Variants in ACADL observed in about 807,000 individuals in gnomAD.
The protein encoded by ACADL is long-chain specific acyl-CoA dehydrogenase, mitochondrial.
A neutral mutation model predicts 56.9 loss-of-function variants in ACADL; 60 were observed. That is an observed-to-expected ratio of 1.05 (90% CI 0.86 to 1.31). ACADL has a LOEUF of 1.31. Ranked by LOEUF, ACADL falls within the 50% of genes most tolerant of loss-of-function variation. The pLI, the probability that ACADL is intolerant of heterozygous loss-of-function variation, is 0.00. For synonymous variants in ACADL, 158 were observed against 179.7 expected (o/e 0.88, Z 0.97); for missense variants, 484 against 525.5 (o/e 0.92, Z 0.77).
At chr2:210,202,076 T>G (rs1688802197) in intron 8 of ACADL, among the ~76,000 whole-genome samples, 1 of 152,090 alleles carries the variant, frequency 6.6e-6, no homozygotes, top group African/African-American at 2.4e-5. Context: ...ACTTTCTCTA[T>G]TGTTATTTAT....
intron 1 of ACADL, among the ~76,000 whole-genome samples, chr2:210,222,969 G>C (rs1689202527): frequency 6.6e-6 from 1 of 152,158 alleles, no homozygotes; most frequent in Non-Finnish European, 1.5e-5. Context: ...AATATGCTGA[G>C]ATTAGGAAAC....
At chr2:210,192,349 T>G (rs1688647430) in intron 10 of ACADL, among the ~76,000 whole-genome samples, 1 of 151,894 alleles carries the variant, frequency 6.6e-6, no homozygotes, top group Admixed American at 6.6e-5. Flanking sequence ...ATTAGCCAGG[T>G]GTCATGGCAC....
At position 210,195,203 on chromosome 2, in the gene ACADL, A is replaced by T; in HGVS notation, c.1112+8T>A. 1.2e-6 allele frequency: 2 copies of T among 1,613,834 alleles called. No individual in the cohort carries two copies. Among genetic ancestry groups the T allele is most frequent in the Non-Finnish European group, 1.7e-6 (2 of 1,179,836 alleles). On this transcript the variant is annotated splice_region_variant and intron_variant, in intron 9 of 10. Transcript: ENST00000233710. ...CACACCGCACTCTAATTACTGTAGC[A>T]TGCATACCAATATTTCGCCATGCAA...
intron 4 of ACADL, among the ~76,000 whole-genome samples, chr2:210,212,724 T>G (rs889487187): frequency 1.3e-5 from 2 of 152,250 alleles, no homozygotes; most frequent in Non-Finnish European, 1.5e-5. Context: ...TCAAGTTTTT[T>G]GAGAACATGT....
At chr2:210,208,098 G>A (rs1688918823) in intron 5 of ACADL, among the ~76,000 whole-genome samples, 1 of 152,204 alleles carries the variant, frequency 6.6e-6, no homozygotes, top group Non-Finnish European at 1.5e-5. Context: ...AGCTGCCACA[G>A]TTGAAATGCT....
At chr2:210,208,709 T>C (rs1688931237) in intron 5 of ACADL, among the ~76,000 whole-genome samples, 1 of 152,190 alleles carries the variant, frequency 6.6e-6, no homozygotes, top group Non-Finnish European at 1.5e-5. Flanking sequence ...ATAGTAAAAA[T>C]GTTCCTATAC....
At chr2:210,197,548 T>G (rs927664845) in intron 8 of ACADL, among the ~76,000 whole-genome samples, 1 of 152,182 alleles carries the variant, frequency 6.6e-6, no homozygotes, top group Non-Finnish European at 1.5e-5. Flanking sequence ...CAGATGAGTA[T>G]TCCATGAAAA....
At chr2:210,195,078 A>T (rs1232369447) in intron 9 of ACADL, 133 bp downstream of exon 9, 40 of 1,123,298 alleles carry the variant, frequency 3.6e-5, no homozygotes, top group South Asian at 8.3e-5. Context: ...ATTTTTTTTT[A>T]AAGTGGAGTC....
At chr2:210,192,987 A>G in intron 9 of ACADL, 97 bp from the exon 10 acceptor site, 5 of 906,578 alleles carry the variant, frequency 5.5e-6, no homozygotes, top group Non-Finnish European at 7.1e-6. Context: ...AATTGTTTAA[A>G]TGTGCACATT....
chr2:210,211,866 T>C (rs552945529), intron 4 of ACADL, among the ~76,000 whole-genome samples: 1 of 152,096 alleles, frequency 6.6e-6, no homozygotes, highest in South Asian at 2.1e-4. Flanking sequence ...GTTTTTCTCT[T>C]GTTGCCCAGG....
Position 210,188,642 on chromosome 2 carries a change from C to T in ACADL, c.*319G>A. On this transcript the variant is annotated 3_prime_UTR_variant, in exon 11 of 11. Transcript: ENST00000233710. ...TATAGCGACATAAAATTATTTCTGC[C>T]TTGGTTTGAAGATTTGAATGATTTA... is the stretch of plus-strand genomic sequence containing the variant. The T allele has an allele frequency of 4.2e-6, 1 of 239,830 alleles. No homozygotes were observed. The highest frequency in any genetic ancestry group is 5.8e-5 in the South Asian group (1 of 17,152). 14.9% of individuals were successfully genotyped at this position (239,830 alleles called of 1,614,324 possible). A position where few individuals can be genotyped will look rare whatever the true frequency, so the allele number is the denominator to read the frequency against.
intron 9 of ACADL, among the ~76,000 whole-genome samples, chr2:210,193,285 AT>A (rs556492858): frequency 6.6e-6 from 1 of 152,080 alleles, no homozygotes; most frequent in Non-Finnish European, 1.5e-5. Context: ...TGTAATATGC[AT>A]TTTTTCTCCA....
intron 4 of ACADL, among the ~76,000 whole-genome samples, 175 bp from the exon 5 acceptor site, chr2:210,210,437 C>A (rs1240142345): frequency 1.3e-5 from 2 of 152,132 alleles, no homozygotes; most frequent in Non-Finnish European, 2.9e-5. Flanking sequence ...CTATTATATT[C>A]TAAAGCACTT....
chr2:210,198,882 C>A (rs969945492), intron 8 of ACADL, among the ~76,000 whole-genome samples: 2 of 151,914 alleles, frequency 1.3e-5, no homozygotes, highest in Non-Finnish European at 2.9e-5. Context: ...ACCATAAGAT[C>A]GACATAAACT....
intron 5 of ACADL, 37 bp downstream of exon 5, chr2:210,210,159 C>T (rs1271946947): frequency 6.7e-7 from 1 of 1,483,732 alleles, no homozygotes; most frequent in Non-Finnish European, 9.4e-7. Context: ...TGGCATGACT[C>T]TGAAAAGAAG....
Position 210,188,906 on chromosome 2 carries a change from G to C in ACADL, c.*55C>G. 1 of 1,250,008 alleles carries C rather than the reference G, an allele frequency of 8.0e-7. No homozygotes were observed. Among genetic ancestry groups the C allele is most frequent in the Non-Finnish European group, 1.2e-6 (1 of 848,460 alleles). The allele number at this position is 1,250,008 out of a possible 1,614,324, so 77.4% of individuals were successfully genotyped here. ...CGCTTTCCAAGTTACATTTTATCTTGAGCAGATTTAAAACGAGATTAGCTG... is the reference window on the plus strand; with the variant it reads ...CGCTTTCCAAGTTACATTTTATCTTCAGCAGATTTAAAACGAGATTAGCTG... On this transcript the variant is annotated 3_prime_UTR_variant, in exon 11 of 11. Transcript: ENST00000233710.
chr2:210,224,833 A>T, intron 1 of ACADL: 1 of 1,023,452 alleles, frequency 9.8e-7, no homozygotes, highest in Non-Finnish European at 1.2e-6. Context: ...GGGGGTGACC[A>T]CCTCCTCCCA....
At chr2:210,224,102 T>G (rs1229805405) in intron 1 of ACADL, among the ~76,000 whole-genome samples, 1 of 151,512 alleles carries the variant, frequency 6.6e-6, no homozygotes, top group Admixed American at 6.6e-5. Context: ...GTGCCTGTAG[T>G]CCCAGCTACT....
chr2:210,205,709 T>G lies in ACADL; in HGVS notation c.691A>C (p.Ser231Arg). The G allele has an allele frequency of 6.2e-7, 1 of 1,614,000 alleles. No homozygotes were observed. The highest frequency in any genetic ancestry group is 1.1e-5 in the South Asian group (1 of 91,084). ...ATTCCATTTTCCACCAGAAAAAGGC[T>G]AATACCATGGGCAGGGGAGGGAGCT... ...HEAPSPAHGI[S>R]LFLVENGMKG... is the part of the protein sequence containing the mutation. The change falls in exon 6 of 11, where the codon AGC becomes CGC. Residue 231 changes from serine to arginine, a missense_variant. Transcript: ENST00000233710.
Sources: allele counts gnomAD v4.1 joint callset (sites outside exome capture counted in the v4.1 genomes callset), GRCh38; gene constraint gnomAD v4.1.1; transcripts MANE v1.5; gene names NCBI Gene and HGNC (gene_info 2026-07-23, HGNC 2026-07-21).